The following DPP6 variants were observed in gnomAD, a reference collection of about 807,000 sequenced individuals.
DPP6 encodes dipeptidyl peptidase like 6.
DPP6 carries 69 observed loss-of-function variants against 122.6 expected under a neutral mutation model. The observed-to-expected ratio is 0.56, with a 90% CI of 0.46 to 0.69. DPP6 has a LOEUF of 0.69. DPP6 is among the 30% of genes least tolerant of loss of function. The pLI is 0.00. For missense variants in DPP6, 928 were observed against 1,116.9 expected (o/e 0.83, Z 2.41); for synonymous variants, 418 against 433.1 (o/e 0.97, Z 0.43).
At chr7:154,522,011 C>G (rs2079601620) in intron 3 of DPP6, among the ~76,000 whole-genome samples, 1 of 152,022 alleles carries the variant, frequency 6.6e-6, no homozygotes, top group Non-Finnish European at 1.5e-5. Context: ...GTCCCGCAGG[C>G]TGGAGTGCAG....
chr7:154,575,878 C>T (rs1317395887), intron 5 of DPP6, among the ~76,000 whole-genome samples: 2 of 151,684 alleles, frequency 1.3e-5, no homozygotes, highest in African/African-American at 2.4e-5. Flanking sequence ...TGCAGCATTC[C>T]AGCGGATCTA....
chr7:154,866,581 T>A (rs1803894910), intron 17 of DPP6, among the ~76,000 whole-genome samples: 2 of 152,230 alleles, frequency 1.3e-5, no homozygotes, highest in African/African-American at 4.8e-5. Flanking sequence ...CAGACGTAGC[T>A]GTGTTTCCTG....
chr7:154,610,476 A>G (rs763645084), intron 5 of DPP6, among the ~76,000 whole-genome samples: 1 of 152,196 alleles, frequency 6.6e-6, no homozygotes, highest in Non-Finnish European at 1.5e-5. Context: ...TGAATTTCCT[A>G]CCACTTGTAG....
intron 1 of DPP6, chr7:154,092,384 G>A (rs1299775183): frequency 6.6e-6 from 1 of 151,880 alleles, no homozygotes; most frequent in African/African-American, 2.4e-5. Flanking sequence ...GTGGACCACT[G>A]CCACCTTGGT....
intron 4 of DPP6, 59 bp from the exon 5 acceptor site, chr7:154,566,783 T>C: frequency 1.0e-6 from 1 of 974,888 alleles, no homozygotes; most frequent in South Asian, 1.6e-5. Context: ...AATTTTATTA[T>C]AAGATTCTGA....
intron 1 of DPP6, among the ~76,000 whole-genome samples, chr7:154,086,787 T>A (rs1202188062): frequency 6.6e-6 from 1 of 151,970 alleles, no homozygotes; most frequent in Non-Finnish European, 1.5e-5. Context: ...CCCGGCTAAT[T>A]TTTATATTTT....
the DPP6 span, among the ~76,000 whole-genome samples, chr7:153,823,604 A>G: frequency 6.2e-5 from 5 of 81,236 alleles, no homozygotes; most frequent in Admixed American, 2.5e-4. Flanking sequence ...CTTTTCCAGA[A>G]TATCAGGAAA....
At chr7:153,835,925 A>T in the DPP6 span, among the ~76,000 whole-genome samples, 1 of 152,194 alleles carries the variant, frequency 6.6e-6, no homozygotes, top group East Asian at 1.9e-4. Flanking sequence ...GACCAGTGCC[A>T]GTAGAGGTCT....
intron 24 of DPP6, 30 bp from the exon 25 acceptor site, chr7:154,889,427 C>T: frequency 1.3e-6 from 2 of 1,583,442 alleles, no homozygotes; most frequent in Non-Finnish European, 1.7e-6. Flanking sequence ...CAAATGTCTT[C>T]CTCTCTTTTT....
chr7:153,943,591 C>G (rs1160649052), intron 1 of DPP6, among the ~76,000 whole-genome samples: 1 of 152,160 alleles, frequency 6.6e-6, no homozygotes, highest in Non-Finnish European at 1.5e-5. Flanking sequence ...AATGACGTGC[C>G]TCTGTTTTCA....
At chr7:154,430,680 G>A (rs553170734) in intron 1 of DPP6, among the ~76,000 whole-genome samples, 1 of 152,286 alleles carries the variant, frequency 6.6e-6, no homozygotes, top group South Asian at 2.1e-4. Context: ...TGTTTGCATA[G>A]GTCATGGCTG....
At chr7:153,827,477 G>A in the DPP6 span, among the ~76,000 whole-genome samples, 18 of 152,132 alleles carry the variant, frequency 1.2e-4, no homozygotes, top group Admixed American at 1.0e-3. Context: ...GGGAGCTTGC[G>A]ACTGGAGGAA....
At chr7:154,414,316 G>A (rs1284700363) in intron 1 of DPP6, among the ~76,000 whole-genome samples, 5 of 152,030 alleles carry the variant, frequency 3.3e-5, no homozygotes, top group African/African-American at 9.7e-5. Context: ...TCAATCATGG[G>A]GTTTAATTTA....
At chr7:154,560,118 T>C (rs1830325844) in intron 4 of DPP6, among the ~76,000 whole-genome samples, 1 of 152,124 alleles carries the variant, frequency 6.6e-6, no homozygotes. Context: ...AAGTTACATC[T>C]ACATGACAGA....
chr7:154,146,574 CAGGCTTGTGAAATACACTGG>C (rs1585481781), intron 1 of DPP6, among the ~76,000 whole-genome samples: 1 of 152,250 alleles, frequency 6.6e-6, no homozygotes, highest in Non-Finnish European at 1.5e-5. Flanking sequence ...GTGCTCCCTG[CAGGCTTGTGAAATACACTGG>C]AGGGCAATTG....
chr7:153,908,195 G>A (rs900134018), intron 1 of DPP6, among the ~76,000 whole-genome samples: 1 of 152,106 alleles, frequency 6.6e-6, no homozygotes, highest in African/African-American at 2.4e-5. Context: ...TGGATTCAAT[G>A]TGCCTGTTGG....
intron 1 of DPP6, among the ~76,000 whole-genome samples, chr7:154,214,734 T>A (rs1010775740): frequency 9.2e-5 from 14 of 152,022 alleles, no homozygotes; most frequent in Non-Finnish European, 1.9e-4. Context: ...CTGGGAAACA[T>A]AGTGAGACCC....
intron 1 of DPP6, among the ~76,000 whole-genome samples, chr7:154,078,333 C>G (rs1803717548): frequency 7.5e-6 from 1 of 134,108 alleles, no homozygotes. Flanking sequence ...TTACGACTTT[C>G]AAACTTCAGT....
the DPP6 span, among the ~76,000 whole-genome samples, chr7:153,829,122 G>C: frequency 6.6e-6 from 1 of 152,122 alleles, no homozygotes; most frequent in African/African-American, 2.4e-5. Flanking sequence ...TTGCAATTTG[G>C]GAGGCAAGAA....
Sources: gnomAD v4.1 joint callset for allele counts (sites outside exome capture counted in the v4.1 genomes callset) on GRCh38, gnomAD v4.1.1 for gene constraint, MANE v1.5 for transcripts, NCBI Gene and HGNC (gene_info 2026-07-23, HGNC 2026-07-21) for gene names.